The following ASB1 variants were observed in gnomAD, a reference collection of about 807,000 sequenced individuals.
ASB1 encodes ankyrin repeat and SOCS box containing 1, also known as ankyrin repeat and SOCS box protein 1.
In ASB1, 18 loss-of-function variants were observed where a neutral mutation model predicts 27.7. The observed-to-expected ratio is 0.65, with a 90% CI of 0.45 to 0.96. ASB1 has a LOEUF of 0.96. Ranked by LOEUF, ASB1 falls within the 50% of genes least tolerant of loss-of-function variation. The pLI, the probability that ASB1 is intolerant of heterozygous loss-of-function variation, is 0.00. For synonymous variants in ASB1, 189 were observed against 187.6 expected (o/e 1.01, Z -0.06); for missense variants, 397 against 451.7 (o/e 0.88, Z 1.10).
chr2:238,438,271 T>C (rs1702011303), intron 3 of ASB1, among the ~76,000 whole-genome samples: 1 of 143,242 alleles, frequency 7.0e-6, no homozygotes, highest in South Asian at 2.3e-4. Flanking sequence ...GCTATCTCGG[T>C]TCACTGCAAT....
intron 3 of ASB1, among the ~76,000 whole-genome samples, chr2:238,440,526 C>T (rs959887153): frequency 2.0e-5 from 3 of 152,208 alleles, no homozygotes; most frequent in African/African-American, 7.2e-5. Flanking sequence ...CAGCCAGCCC[C>T]CCTTTTGCTG....
rs1338129107 is a variant in ASB1, at chr2:238,441,482, C to T, written c.495-2860C>T. Among the ~76,000 whole-genome samples the T allele has an allele frequency of 2.6e-5, 4 of 152,262 alleles. No individual in the cohort carries two copies. The East Asian group carries it at 5.8e-4, about 22-fold the overall frequency. Reference sequence around the variant, plus strand: ...TAGCTTGTATCCTTGTCTCCTTGATCCTGTTCTCTCCCTCCCCAGTAGATA... The same window carrying T: ...TAGCTTGTATCCTTGTCTCCTTGATTCTGTTCTCTCCCTCCCCAGTAGATA... On this transcript the variant is annotated intron_variant, in intron 3 of 4. Transcript: ENST00000264607.
chr2:238,427,087 G>C lies in ASB1; in HGVS notation c.17G>C (p.Ser6Thr). The change falls in exon 1 of 5, where the codon AGC becomes ACC. Residue 6 changes from serine to threonine, a missense_variant. Physicochemically the swap from Ser to Thr is moderately conservative, Grantham distance 58 (BLOSUM62 1). Coordinates refer to ENST00000264607, the MANE Select transcript of ASB1 (RefSeq NM_001040445.3). Reference protein sequence around the residue: MAEGGSPDGRAGPGSA... With the variant: MAEGGTPDGRAGPGSA... Reference sequence around the variant, plus strand: ...GAAGCATCCATGGCGGAGGGCGGCAGCCCAGACGGGCGGGCAGGGCCGGGC... The same window carrying C: ...GAAGCATCCATGGCGGAGGGCGGCACCCCAGACGGGCGGGCAGGGCCGGGC... The C allele has an allele frequency of 2.4e-6, 3 of 1,262,382 alleles. No individual in the cohort carries two copies. Among genetic ancestry groups the C allele is most frequent in the Non-Finnish European group, 3.0e-6 (3 of 1,004,910 alleles). The allele number at this position is 1,262,382 out of a possible 1,614,324, so 78.2% of individuals were successfully genotyped here. A position where few individuals can be genotyped will look rare whatever the true frequency, so the allele number is the denominator to read the frequency against.
At position 238,444,598 on chromosome 2, in the gene ASB1, G is replaced by T. The variant is rs1192203139; in HGVS notation, c.751G>T (p.Ala251Ser). ...DAVLRHGCEA[A>S]FVSLLVEFGA... ...TGTTCTGCGCCACGGCTGTGAGGCA[G>T]CCTTCGTGAGCCTGCTGGTAGAATT... The change falls in exon 4 of 5, where the codon GCC (alanine) becomes TCC (serine). Residue 251 changes from alanine to serine, a missense_variant. Transcript: ENST00000264607. The T allele has an allele frequency of 1.9e-6, 3 of 1,614,100 alleles. No individual in the cohort carries two copies. The highest frequency in any genetic ancestry group is 2.5e-6 in the Non-Finnish European group (3 of 1,180,054).
At chr2:238,428,309 A>T (rs1701801146) in intron 1 of ASB1, among the ~76,000 whole-genome samples, 1 of 151,912 alleles carries the variant, frequency 6.6e-6, no homozygotes, top group Admixed American at 6.6e-5. Context: ...TTTTTTTTTG[A>T]GACGGAGTTT....
intron 1 of ASB1, among the ~76,000 whole-genome samples, chr2:238,431,188 C>T (rs1429144783): frequency 2.6e-5 from 4 of 152,102 alleles, no homozygotes; most frequent in African/African-American, 7.3e-5. Context: ...TTATCTTAGC[C>T]GTGTCTTCTG....
At chr2:238,433,500 G>A in intron 1 of ASB1, 54 bp from the exon 2 acceptor site, 1 of 1,594,396 alleles carries the variant, frequency 6.3e-7, no homozygotes, top group East Asian at 2.3e-5. Context: ...CCCCCTTTTG[G>A]TTAGTCTTGG....
In ASB1 at chr2:238,429,600, C is replaced by T. The variant is rs141764400; in HGVS notation, c.49+2481C>T. ...ACATGAAATTTTTGGTTTCCCAGTG[C>T]ATATATAAGTTATGTTTACATGATA... On this transcript the variant is annotated intron_variant, in intron 1 of 4. Transcript: ENST00000264607. Among the ~76,000 whole-genome samples, 31 of 152,148 alleles carry T rather than the reference C, an allele frequency of 2.0e-4. No individual in the cohort carries two copies. In the East Asian group the frequency reaches 6.0e-3, roughly 29 times the overall value.
Position 238,446,911 on chromosome 2 carries a change from A to G in ASB1, c.*400A>G, listed in dbSNP as rs1203344736. On this transcript the variant is annotated 3_prime_UTR_variant, in exon 5 of 5. Transcript: ENST00000264607. ...TTTGATGGTTCGATTAAAGCCTTCTAGTATCTCAATGAAAAGGGAGTTTCG... is the reference window on the plus strand; with the variant it reads ...TTTGATGGTTCGATTAAAGCCTTCTGGTATCTCAATGAAAAGGGAGTTTCG... The G allele has an allele frequency of 1.1e-5, 2 of 187,606 alleles. No individual in the cohort carries two copies. Among genetic ancestry groups the G allele is most frequent in the South Asian group, 1.9e-4 (2 of 10,398 alleles). 11.6% of individuals were successfully genotyped at this position (187,606 alleles called of 1,614,324 possible).
chr2:238,442,318 G>T (rs981062224), intron 3 of ASB1, among the ~76,000 whole-genome samples: 1 of 151,900 alleles, frequency 6.6e-6, no homozygotes, highest in Non-Finnish European at 1.5e-5. Context: ...CGTCATGTTG[G>T]CCAGGCTGGT....
At chr2:238,438,198 C>CTTTTTTTTTTTTTTTT (rs1559414171) in intron 3 of ASB1, among the ~76,000 whole-genome samples, 1 of 44,978 alleles carries the variant, frequency 2.2e-5, no homozygotes, top group Non-Finnish European at 4.3e-5. Context: ...AGATGCCCTT[C>CTTTTTTTTTTTTTTTT]ATTTTTTTTT....
intron 3 of ASB1, among the ~76,000 whole-genome samples, chr2:238,443,415 A>T (rs185511559): frequency 6.6e-6 from 1 of 152,154 alleles, no homozygotes; most frequent in Non-Finnish European, 1.5e-5. Flanking sequence ...TTGTTTTCCC[A>T]TATTATTTAG....
intron 1 of ASB1, among the ~76,000 whole-genome samples, chr2:238,433,053 C>T (rs1701900564): frequency 1.3e-5 from 2 of 152,024 alleles, no homozygotes; most frequent in South Asian, 4.1e-4. Context: ...GCTCAATCTG[C>T]TAATTTTTTC....
At position 238,446,628 on chromosome 2, in the gene ASB1, G is replaced by A; in HGVS notation, c.*117G>A. On this transcript the variant is annotated 3_prime_UTR_variant, in exon 5 of 5. Transcript: ENST00000264607. ...CCTGATGGCTGTTGCTGCAGAAGATGTCCTCGTAGACTGTCATTGCTCCTC... is the reference window on the plus strand; with the variant it reads ...CCTGATGGCTGTTGCTGCAGAAGATATCCTCGTAGACTGTCATTGCTCCTC... 7.3e-7 allele frequency: 1 copy of A among 1,361,964 alleles called. No individual in the cohort carries two copies. The highest frequency in any genetic ancestry group is 1.2e-5 in the South Asian group (1 of 84,736). The allele number at this position is 1,361,964 out of a possible 1,614,324, so 84.4% of individuals were successfully genotyped here. A position where few individuals can be genotyped will look rare whatever the true frequency, so the allele number is the denominator to read the frequency against.
chr2:238,432,808 C>T (rs963962821), intron 1 of ASB1, among the ~76,000 whole-genome samples: 3 of 151,496 alleles, frequency 2.0e-5, no homozygotes, highest in South Asian at 2.1e-4. Flanking sequence ...AGTGCAGTGG[C>T]GCGATCTTGG....
intron 1 of ASB1, among the ~76,000 whole-genome samples, chr2:238,429,094 A>T (rs1251606544): frequency 6.6e-6 from 1 of 152,018 alleles, no homozygotes; most frequent in Non-Finnish European, 1.5e-5. Flanking sequence ...GGACTGTCAA[A>T]CCCTGCAGAG....
intron 3 of ASB1, among the ~76,000 whole-genome samples, chr2:238,438,452 G>A (rs939058540): frequency 3.9e-5 from 6 of 151,906 alleles, no homozygotes; most frequent in Non-Finnish European, 5.9e-5. Flanking sequence ...CGCCCGCCTC[G>A]GCCTCCCAAA....
At chr2:238,445,712 G>C (rs1202480737) in intron 4 of ASB1, among the ~76,000 whole-genome samples, 1 of 152,140 alleles carries the variant, frequency 6.6e-6, no homozygotes, top group Non-Finnish European at 1.5e-5. Context: ...CCTTCTCCCT[G>C]CCTCTCAAAG....
At position 238,451,899 on chromosome 2, in the gene ASB1, A is replaced by G. The variant is rs368770032; in HGVS notation, c.*5388A>G. Reference sequence around the variant, plus strand: ...GATTGGATAGAAAGAAGGGCTCTGAAGCAGGAGTTTTCACCTGCTCTGAGG... The same window carrying G: ...GATTGGATAGAAAGAAGGGCTCTGAGGCAGGAGTTTTCACCTGCTCTGAGG... On this transcript the variant is annotated 3_prime_UTR_variant, in exon 5 of 5. Transcript: ENST00000264607. 1 of 115,034 alleles carries G rather than the reference A, an allele frequency of 8.7e-6. No homozygotes were observed. The highest frequency in any genetic ancestry group is 2.5e-5 in the African/African-American group (1 of 39,868). 7.1% of individuals were successfully genotyped at this position (115,034 alleles called of 1,614,324 possible).
Sources: allele counts gnomAD v4.1 joint callset (sites outside exome capture counted in the v4.1 genomes callset), GRCh38; gene constraint gnomAD v4.1.1; transcripts MANE v1.5; gene names NCBI Gene and HGNC (gene_info 2026-07-23, HGNC 2026-07-21).